The following C1orf159 variants were observed in gnomAD, a reference collection of about 807,000 sequenced individuals.
C1orf159 encodes the protein chromosome 1 open reading frame 159.
A neutral mutation model predicts 25.6 loss-of-function variants in C1orf159; 19 were observed. The ratio of observed to expected loss-of-function variants is 0.74; its 90% CI spans 0.52 to 1.09. The LOEUF is 1.09. Among genes scored for constraint, C1orf159 ranks in the 50% least tolerant of loss-of-function variants. The probability of loss-of-function intolerance (pLI) is 0.00; values close to 1 mark genes in which losing one functional copy is unlikely to be tolerated. For missense variants in C1orf159, 274 were observed against 290.6 expected (o/e 0.94, Z 0.42); for synonymous variants, 139 against 124.7 (o/e 1.12, Z -0.77).
intron 1 of C1orf159, among the ~76,000 whole-genome samples, chr1:1,109,864 T>G (rs1355620974): frequency 1.3e-5 from 2 of 152,154 alleles, no homozygotes; most frequent in Non-Finnish European, 2.9e-5. Flanking sequence ...TCCAGTCACA[T>G]CCTCCATAGA....
intron 1 of C1orf159, among the ~76,000 whole-genome samples, chr1:1,098,099 C>T (rs1459768647): frequency 1.3e-5 from 2 of 151,398 alleles, no homozygotes; most frequent in Admixed American, 6.6e-5. Flanking sequence ...GAAACAGTCT[C>T]GCTCTGTCAC....
At chr1:1,097,266 C>T (rs930359119) in intron 1 of C1orf159, among the ~76,000 whole-genome samples, 1 of 152,030 alleles carries the variant, frequency 6.6e-6, no homozygotes, top group Non-Finnish European at 1.5e-5. Flanking sequence ...ACCACCATGC[C>T]TGGCTAATTT....
At chr1:1,085,358 C>T (rs746764978) in intron 7 of C1orf159, 87 of 345,320 alleles carry the variant, frequency 2.5e-4, no homozygotes, top group African/African-American at 1.6e-3. Flanking sequence ...AACCCGCCCC[C>T]GCCTGAAGGC....
At chr1:1,099,597 T>C (rs1254293215) in intron 1 of C1orf159, among the ~76,000 whole-genome samples, 4 of 151,084 alleles carry the variant, frequency 2.6e-5, no homozygotes, top group Non-Finnish European at 5.9e-5. Context: ...GGTTGTCTAT[T>C]GATGTTTTTG....
At chr1:1,112,389 A>G (rs1030057484) in intron 1 of C1orf159, among the ~76,000 whole-genome samples, 11 of 152,160 alleles carry the variant, frequency 7.2e-5, no homozygotes, top group African/African-American at 2.7e-4. Flanking sequence ...CACACGGCGC[A>G]CGGTCCCTCC....
chr1:1,093,146 A>C (rs970861644), intron 1 of C1orf159, among the ~76,000 whole-genome samples: 2 of 152,166 alleles, frequency 1.3e-5, no homozygotes. Flanking sequence ...CCACCCACAG[A>C]GTGCAATCAA....
In C1orf159 at chr1:1,115,227, G is replaced by C. The variant is rs114980749; in HGVS notation, c.-136+833C>G. ...GGTAAGAAATGCCCCCGAACACCTG[G>C]GCTTAAATTACACCCAAACTCAATC... On this transcript the variant is annotated intron_variant, in intron 1 of 9. Coordinates refer to ENST00000421241, the MANE Select transcript of C1orf159 (RefSeq NM_017891.5). 1.3e-3 allele frequency among the ~76,000 whole-genome samples: 200 copies of C among 152,148 alleles called. 1 individual carries two copies. Among genetic ancestry groups the C allele is most frequent in the African/African-American group, 4.7e-3 (193 of 41,446 alleles).
At chr1:1,085,336 G>A (rs1360296610) in intron 7 of C1orf159, 1 of 375,426 alleles carries the variant, frequency 2.7e-6, no homozygotes, top group African/African-American at 2.1e-5. Context: ...AGGCACCACG[G>A]ACCCTGCTCA....
At position 1,089,233 on chromosome 1, in the gene C1orf159, C is replaced by T. The variant is rs752481717; in HGVS notation, c.148+1120G>A. ...ACCTCGGCCCTTGGACTTCACGACC[C>T]GCTGGCCTGGCCCCTCCATGGGCAC... On this transcript the variant is annotated intron_variant, in intron 4 of 9. Coordinates refer to ENST00000421241, the MANE Select transcript of C1orf159 (RefSeq NM_017891.5). This position sits in a 1 kb window ranked among gnomAD's most constrained non-coding sequence, Gnocchi z 7.5. 2.1e-4 allele frequency among the ~76,000 whole-genome samples: 32 copies of T among 152,176 alleles called. No homozygotes were observed. Among genetic ancestry groups the T allele is most frequent in the Non-Finnish European group, 3.1e-4 (21 of 68,008 alleles).
chr1:1,090,554 G>C, intron 3 of C1orf159, 126 bp from the exon 4 acceptor site: 1 of 1,022,682 alleles, frequency 9.8e-7, no homozygotes, highest in Non-Finnish European at 1.5e-6. Flanking sequence ...CTCTTCTGGA[G>C]TCAGCATCGG....
intron 1 of C1orf159, among the ~76,000 whole-genome samples, chr1:1,114,340 G>C (rs1261793504): frequency 6.6e-6 from 1 of 152,106 alleles, no homozygotes; most frequent in Admixed American, 6.6e-5. Context: ...CCCATGCCTG[G>C]ATAATATTTT....
In C1orf159 at chr1:1,110,592, G is replaced by A. The variant is rs1389734446; in HGVS notation, c.-136+5468C>T. 5.9e-5 allele frequency among the ~76,000 whole-genome samples: 9 copies of A among 151,272 alleles called. No homozygotes were observed. Among genetic ancestry groups the A allele is most frequent in the Non-Finnish European group, 1.2e-4 (8 of 68,020 alleles). ...CAAACTAAAGCCTCCACGACCAAACGGCACTCAGCCTCTCGGCTGTGGGGA... is the reference window on the plus strand; with the variant it reads ...CAAACTAAAGCCTCCACGACCAAACAGCACTCAGCCTCTCGGCTGTGGGGA... On this transcript the variant is annotated intron_variant, in intron 1 of 9. Coordinates refer to ENST00000421241, the MANE Select transcript of C1orf159 (RefSeq NM_017891.5). This position sits in a 1 kb window ranked among gnomAD's most constrained non-coding sequence, Gnocchi z 4.8.
Position 1,089,696 on chromosome 1 carries a change from G to A in C1orf159, c.148+657C>T, listed in dbSNP as rs573241511. On this transcript the variant is annotated intron_variant, in intron 4 of 9. Coordinates refer to ENST00000421241, the MANE Select transcript of C1orf159 (RefSeq NM_017891.5). This position sits in a 1 kb window ranked among gnomAD's most constrained non-coding sequence, Gnocchi z 7.5. ...GATGGGAGTGCCAAGGCCCTTGGAG[G>A]TACAGCTGGGGCATCTCAGCCCCAA... is the stretch of plus-strand genomic sequence containing the variant. Among the ~76,000 whole-genome samples, 3 of 152,262 alleles carry A rather than the reference G, an allele frequency of 2.0e-5. No individual in the cohort carries two copies. The highest frequency in any genetic ancestry group is 2.0e-4 in the Admixed American group (3 of 15,304).
chr1:1,084,387 G>T lies in C1orf159; in HGVS notation c.472-4C>A. 1 of 1,576,038 alleles carries T rather than the reference G, an allele frequency of 6.3e-7. No homozygotes were observed. The highest frequency in any genetic ancestry group is 2.3e-5 in the East Asian group (1 of 44,210). ...GTGGCGGGGGGATCATTGCAGCCTT[G>T]AAAAGGAGAGAAAGGCAGAGTGAGG... is the stretch of plus-strand genomic sequence containing the variant. On this transcript the variant is annotated splice_region_variant and splice_polypyrimidine_tract_variant and intron_variant, in intron 8 of 9. Coordinates refer to ENST00000421241, the MANE Select transcript of C1orf159 (RefSeq NM_017891.5).
At chr1:1,085,396 T>C in intron 7 of C1orf159, 1 of 318,674 alleles carries the variant, frequency 3.1e-6, no homozygotes, top group Admixed American at 3.8e-5. Context: ...GTCTCTCCAG[T>C]GGGAAGGGGT....
chr1:1,113,459 C>G (rs1387516456), intron 1 of C1orf159, among the ~76,000 whole-genome samples: 4 of 152,194 alleles, frequency 2.6e-5, no homozygotes, highest in African/African-American at 9.7e-5. Context: ...TCGTTGCGAT[C>G]TCGGCTCACT....
chr1:1,099,693 T>C (rs992262482), intron 1 of C1orf159, among the ~76,000 whole-genome samples: 38 of 124,058 alleles, frequency 3.1e-4, no homozygotes, highest in African/African-American at 7.5e-4. Context: ...TGGTCTATTG[T>C]TCTAAGAATT....
intron 1 of C1orf159, among the ~76,000 whole-genome samples, chr1:1,097,584 A>ATTTTTTT (rs71576596): frequency 7.9e-6 from 1 of 126,524 alleles, no homozygotes; most frequent in African/African-American, 3.2e-5. Flanking sequence ...AGCTCATTAA[A>ATTTTTTT]TTTTTTTTTT....
chr1:1,090,972 G>C, intron 3 of C1orf159: 40 of 1,550,150 alleles, frequency 2.6e-5, no homozygotes, highest in Non-Finnish European at 3.4e-5. Context: ...CAGCTGTGCT[G>C]TTTCTCGTGA....
Sources: gnomAD v4.1 joint callset for allele counts (sites outside exome capture counted in the v4.1 genomes callset) on GRCh38, gnomAD v4.1.1 for gene constraint, Gnocchi (gnomAD v3.1) non-coding constraint, MANE v1.5 for transcripts, NCBI Gene and HGNC (gene_info 2026-07-23, HGNC 2026-07-21) for gene names.